Variants in PRKN observed in about 807,000 individuals in gnomAD.
PRKN encodes E3 ubiquitin-protein ligase parkin.
Under a neutral mutation model 59.5 loss-of-function variants are expected in PRKN, and 56 were observed. That is an observed-to-expected ratio of 0.94 (90% CI 0.76 to 1.18). The LOEUF (loss-of-function observed/expected upper bound fraction) is 1.18. Among genes scored for constraint, PRKN ranks in the 50% most tolerant of loss-of-function variants. The pLI is 0.00. For missense variants in PRKN, 657 were observed against 596.4 expected, an observed-to-expected ratio of 1.10 and a Z score of -1.06; for synonymous variants, 250 against 222.1, an observed-to-expected ratio of 1.13 and a Z score of -1.12.
chr6:162,200,226 C>A (rs559782254), intron 4 of PRKN, among the ~76,000 whole-genome samples: 1 of 152,280 alleles, frequency 6.6e-6, no homozygotes, highest in Admixed American at 6.5e-5. Context: ...GGACTGGACA[C>A]GCTCGGCCTG....
At chr6:162,503,035 A>G (rs1468794258) in intron 1 of PRKN, among the ~76,000 whole-genome samples, 1 of 151,236 alleles carries the variant, frequency 6.6e-6, no homozygotes, top group African/African-American at 2.4e-5. Flanking sequence ...TATTTGGTGG[A>G]CTGTTTTTGA....
chr6:162,031,256 TAAC>T (rs1036889195), intron 5 of PRKN, among the ~76,000 whole-genome samples: 18 of 151,952 alleles, frequency 1.2e-4, no homozygotes, highest in Admixed American at 1.2e-3. Flanking sequence ...TTTTTAATGA[TAAC>T]AAATGGTGAC....
intron 9 of PRKN, among the ~76,000 whole-genome samples, chr6:161,509,616 A>G (rs1778306223): frequency 8.4e-6 from 1 of 118,598 alleles, no homozygotes; most frequent in African/African-American, 3.1e-5. Flanking sequence ...ACGGTGGCTT[A>G]CACCTGTAAT....
At chr6:161,779,435 C>CTTTTCTT (rs1790101294) in intron 7 of PRKN, among the ~76,000 whole-genome samples, 1 of 40,434 alleles carries the variant, frequency 2.5e-5, no homozygotes, top group African/African-American at 8.2e-5. Context: ...TTTTTCTTTT[C>CTTTTCTT]TTTTCTTTTT....
At position 161,359,605 on chromosome 6, in the gene PRKN, C is replaced by G. The variant is rs144603662; in HGVS notation, c.1285+483G>C. Among the ~76,000 whole-genome samples, 29 of 152,358 alleles carry G rather than the reference C, an allele frequency of 1.9e-4. 1 individual carries two copies. The highest frequency in any genetic ancestry group is 2.1e-4 in the Non-Finnish European group (14 of 68,034). ...GACAGCAGGAAGTCCCCCACTGGTA[C>G]TGTGAGTCATCAGGGGCAGGCCACA... On this transcript the variant is annotated intron_variant, in intron 11 of 11. Coordinates refer to ENST00000366898, the MANE Select transcript of PRKN (RefSeq NM_004562.3). This position sits in a 1 kb window ranked among gnomAD's most constrained non-coding sequence, Gnocchi z 5.4.
chr6:162,229,047 T>A (rs1442522880), intron 3 of PRKN, among the ~76,000 whole-genome samples: 1 of 152,208 alleles, frequency 6.6e-6, no homozygotes, highest in East Asian at 1.9e-4. Flanking sequence ...GCTCAAGTGA[T>A]CTTCTCAGTC....
At chr6:162,363,405 AT>A (rs1028529372) in intron 2 of PRKN, among the ~76,000 whole-genome samples, 2 of 152,128 alleles carry the variant, frequency 1.3e-5, no homozygotes. Flanking sequence ...ACAAACCCAT[AT>A]GCCATCGAGG....
chr6:162,306,703 A>AAATT (rs1447579726), intron 2 of PRKN, among the ~76,000 whole-genome samples: 1 of 152,186 alleles, frequency 6.6e-6, no homozygotes, highest in African/African-American at 2.4e-5. Flanking sequence ...AGAATGAAGA[A>AAATT]AATTATTAGA....
intron 1 of PRKN, among the ~76,000 whole-genome samples, chr6:162,669,063 A>G (rs756350178): frequency 1.7e-4 from 26 of 152,146 alleles, no homozygotes; most frequent in Non-Finnish European, 3.1e-4. Context: ...AAGTAACAGG[A>G]AAGATTGAGT....
chr6:161,816,872 A>G (rs902686340), intron 6 of PRKN, among the ~76,000 whole-genome samples: 5 of 152,136 alleles, frequency 3.3e-5, no homozygotes, highest in African/African-American at 1.2e-4. Flanking sequence ...GTCACTCACA[A>G]AGAGAACAGG....
At chr6:161,777,051 A>G (rs116702943) in intron 7 of PRKN, among the ~76,000 whole-genome samples, 15 of 152,138 alleles carry the variant, frequency 9.9e-5, no homozygotes, top group African/African-American at 3.6e-4. Flanking sequence ...CGCTAGAGCC[A>G]TAACTCTCTG....
chr6:162,651,054 G>A (rs982042155), intron 1 of PRKN, among the ~76,000 whole-genome samples: 9 of 152,168 alleles, frequency 5.9e-5, no homozygotes, highest in African/African-American at 1.7e-4. Flanking sequence ...GCCAGAGCAG[G>A]AGTTCATACT....
intron 1 of PRKN, among the ~76,000 whole-genome samples, chr6:162,556,364 T>TGTGTGTGTGCGCGC (rs1554243417): frequency 1.1e-5 from 1 of 91,172 alleles, no homozygotes; most frequent in Non-Finnish European, 2.5e-5. Flanking sequence ...TGTGTGTGTG[T>TGTGTGTGTGCGCGC]GTGTGTGTGT....
At chr6:162,034,191 A>ATATAT (rs1783753907) in intron 5 of PRKN, among the ~76,000 whole-genome samples, 1 of 117,318 alleles carries the variant, frequency 8.5e-6, no homozygotes, top group East Asian at 2.8e-4. Context: ...ATATATAGAG[A>ATATAT]GAGAGAGAGA....
chr6:162,162,064 AT>A (rs1384281798), intron 4 of PRKN, among the ~76,000 whole-genome samples: 1 of 152,170 alleles, frequency 6.6e-6, no homozygotes, highest in African/African-American at 2.4e-5. Flanking sequence ...CCAACACAGT[AT>A]AAAAACTATT....
At chr6:162,214,349 A>G (rs1403203779) in intron 3 of PRKN, among the ~76,000 whole-genome samples, 1 of 152,174 alleles carries the variant, frequency 6.6e-6, no homozygotes, top group East Asian at 1.9e-4. Context: ...GACAGAAACC[A>G]CAGCACAGAC....
chr6:161,739,093 C>A (rs1788083803), intron 7 of PRKN, among the ~76,000 whole-genome samples: 1 of 152,134 alleles, frequency 6.6e-6, no homozygotes, highest in Non-Finnish European at 1.5e-5. Context: ...TCCGTATTTT[C>A]TCCATTGTAT....
chr6:162,153,984 G>T (rs1782389020), intron 4 of PRKN, among the ~76,000 whole-genome samples: 1 of 152,146 alleles, frequency 6.6e-6, no homozygotes. Flanking sequence ...AGGGGTAGAA[G>T]CTCTCACTTT....
chr6:162,109,520 G>A (rs921252472), intron 4 of PRKN, among the ~76,000 whole-genome samples: 4 of 152,132 alleles, frequency 2.6e-5, no homozygotes, highest in Admixed American at 1.3e-4. Flanking sequence ...ATGGCTCTTC[G>A]GACCCTGACC....
Sources: gnomAD v4.1 joint callset for allele counts (sites outside exome capture counted in the v4.1 genomes callset) on GRCh38, gnomAD v4.1.1 for gene constraint, Gnocchi (gnomAD v3.1) non-coding constraint, MANE v1.5 for transcripts, NCBI Gene and HGNC (gene_info 2026-07-23, HGNC 2026-07-21) for gene names.